JPH2: variants seen among roughly 807,000 people sequenced by gnomAD.
JPH2 encodes the protein junctophilin 2, also known as junctophilin-2.
JPH2 carries 38 observed loss-of-function variants against 55.9 expected under a neutral mutation model. That is an observed-to-expected ratio of 0.68 (90% CI 0.52 to 0.89). The LOEUF (loss-of-function observed/expected upper bound fraction) is 0.89. Ranked by LOEUF, JPH2 falls within the 40% of genes least tolerant of loss-of-function variation. The pLI, the probability that JPH2 is intolerant of heterozygous loss-of-function variation, is 0.00. For missense variants in JPH2, 964 were observed against 1,037.6 expected (o/e 0.93, Z 0.97); for synonymous variants, 480 against 472.4 (o/e 1.02, Z -0.21).
In JPH2 at chr20:44,186,831, G is replaced by C. The variant is rs1446419157; in HGVS notation, c.-126C>G. On this transcript the variant is annotated 5_prime_UTR_variant, in exon 1 of 6. Coordinates refer to ENST00000372980, the MANE Select transcript of JPH2 (RefSeq NM_020433.5). ...CAGACTCACCACTGCACCCCAGGAGGGGGGAAGCAGGATGCCAGCAGAGGC... is the reference window on the plus strand; with the variant it reads ...CAGACTCACCACTGCACCCCAGGAGCGGGGAAGCAGGATGCCAGCAGAGGC... 6 of 943,028 alleles carry C rather than the reference G, an allele frequency of 6.4e-6. No individual in the cohort carries two copies. The highest frequency in any genetic ancestry group is 9.6e-6 in the Non-Finnish European group (6 of 622,908). The allele number at this position is 943,028 out of a possible 1,614,324, so 58.4% of individuals were successfully genotyped here.
chr20:44,108,852 G>A lies in JPH2; in HGVS notation c.*4666C>T, dbSNP rs1037029947. Among the ~76,000 whole-genome samples, 7 of 152,030 alleles carry A rather than the reference G, an allele frequency of 4.6e-5. No homozygotes were observed. The South Asian group carries it at 8.3e-4, about 18-fold the overall frequency. On this transcript the variant is annotated 3_prime_UTR_variant, in exon 6 of 6. Transcript: ENST00000372980. Reference sequence around the variant, plus strand: ...TTGCTGTGTGATCCTTACAAATCACGACACTCTCTCCAGACCTGTTTCCCC... The same window carrying A: ...TTGCTGTGTGATCCTTACAAATCACAACACTCTCTCCAGACCTGTTTCCCC...
intron 1 of JPH2, among the ~76,000 whole-genome samples, chr20:44,173,642 G>T (rs1354482934): frequency 6.6e-6 from 1 of 152,212 alleles, no homozygotes; most frequent in Admixed American, 6.5e-5. Flanking sequence ...AAGGCTGGGT[G>T]CTGTGGCTTA....
At chr20:44,129,110 G>A (rs1231735705) in intron 2 of JPH2, among the ~76,000 whole-genome samples, 1 of 152,034 alleles carries the variant, frequency 6.6e-6, no homozygotes, top group Admixed American at 6.6e-5. Context: ...CTGAGGTTGG[G>A]GGCTGTGATA....
At chr20:44,148,960 G>A (rs541821262) in intron 2 of JPH2, among the ~76,000 whole-genome samples, 34 of 151,994 alleles carry the variant, frequency 2.2e-4, no homozygotes, top group Admixed American at 2.0e-4. Context: ...CCAGCTACTC[G>A]GGAGGCTGAG....
chr20:44,131,931 A>C (rs555615460), intron 2 of JPH2, among the ~76,000 whole-genome samples: 2 of 152,222 alleles, frequency 1.3e-5, no homozygotes, highest in Admixed American at 6.5e-5. Flanking sequence ...AGGAAAGCTT[A>C]CCCTAACTGC....
At chr20:44,133,751 C>T (rs1600840132) in intron 2 of JPH2, among the ~76,000 whole-genome samples, 1 of 149,244 alleles carries the variant, frequency 6.7e-6, no homozygotes, top group African/African-American at 2.5e-5. Context: ...TGGTCCTGTT[C>T]CATCTGATGC....
chr20:44,148,765 T>TA (rs908786462), intron 2 of JPH2, among the ~76,000 whole-genome samples: 1 of 151,606 alleles, frequency 6.6e-6, no homozygotes, highest in African/African-American at 2.4e-5. Flanking sequence ...TTCCTCCAAT[T>TA]AAAAAAATCA....
chr20:44,155,257 A>C (rs2072557510), intron 2 of JPH2, among the ~76,000 whole-genome samples: 1 of 152,188 alleles, frequency 6.6e-6, no homozygotes, highest in African/African-American at 2.4e-5. Context: ...AGAGTGGTGA[A>C]GCAACTTGGG....
chr20:44,137,619 G>C (rs530556209), intron 2 of JPH2, among the ~76,000 whole-genome samples: 2 of 152,352 alleles, frequency 1.3e-5, no homozygotes, highest in East Asian at 3.9e-4. Flanking sequence ...AGGCGGGGCC[G>C]AACCCAGCCT....
intron 1 of JPH2, among the ~76,000 whole-genome samples, chr20:44,183,187 A>G (rs375631240): frequency 6.6e-6 from 1 of 152,346 alleles, no homozygotes; most frequent in East Asian, 1.9e-4. Flanking sequence ...ATGCTGTATA[A>G]GCACTCAAGG....
intron 2 of JPH2, among the ~76,000 whole-genome samples, chr20:44,145,214 T>C (rs2072485076): frequency 1.3e-5 from 2 of 152,324 alleles, no homozygotes; most frequent in South Asian, 2.1e-4. Context: ...CTGGTCTCAC[T>C]GTGGGGAAAC....
intron 2 of JPH2, among the ~76,000 whole-genome samples, chr20:44,147,899 A>G (rs2072503665): frequency 6.6e-6 from 1 of 152,232 alleles, no homozygotes; most frequent in African/African-American, 2.4e-5. Flanking sequence ...ATGGTGGCTC[A>G]TGCCTGTAAT....
chr20:44,116,710 T>G (rs875496), intron 3 of JPH2, among the ~76,000 whole-genome samples: 1 of 151,972 alleles, frequency 6.6e-6, no homozygotes, highest in East Asian at 1.9e-4. Context: ...GCCCTTTACT[T>G]TGGCACGCGT....
chr20:44,115,947 G>A lies in JPH2; in HGVS notation c.1728C>T (p.Pro576=). ...GCTGGTCCTCAAAGGGTGGGGGCTC[G>A]GGCGGCGTGGTGCGCACAGCATAGC... ...YHSYAVRTTP[P]EPPPFEDQPE... The change falls in exon 4 of 6, where the codon CCC becomes CCT. Residue 576 remains proline (P), a synonymous_variant. Coordinates refer to ENST00000372980, the MANE Select transcript of JPH2 (RefSeq NM_020433.5). 2 of 1,567,564 alleles carry A rather than the reference G, an allele frequency of 1.3e-6. No individual in the cohort carries two copies. The highest frequency in any genetic ancestry group is 1.7e-6 in the Non-Finnish European group (2 of 1,163,532).
intron 2 of JPH2, among the ~76,000 whole-genome samples, chr20:44,151,900 C>G (rs2072533292): frequency 6.6e-6 from 1 of 152,218 alleles, no homozygotes; most frequent in Non-Finnish European, 1.5e-5. Flanking sequence ...GTTCCTCTAC[C>G]TGGAACGACC....
chr20:44,133,660 T>G (rs1322091635), intron 2 of JPH2, among the ~76,000 whole-genome samples: 1 of 151,420 alleles, frequency 6.6e-6, no homozygotes. Flanking sequence ...AGGATGGCCC[T>G]AGGGGAGATT....
chr20:44,131,112 G>A (rs990340476), intron 2 of JPH2, among the ~76,000 whole-genome samples: 1 of 152,122 alleles, frequency 6.6e-6, no homozygotes, highest in Non-Finnish European at 1.5e-5. Flanking sequence ...AGTGTGGGCT[G>A]GACCTAGAGA....
chr20:44,169,140 C>A (rs1049932581), intron 1 of JPH2, among the ~76,000 whole-genome samples: 5 of 151,204 alleles, frequency 3.3e-5, no homozygotes, highest in Admixed American at 1.3e-4. Context: ...ATCAAATAAA[C>A]CTTTTTTCTT....
chr20:44,146,226 G>A (rs551243135), intron 2 of JPH2, among the ~76,000 whole-genome samples: 1 of 151,958 alleles, frequency 6.6e-6, no homozygotes, highest in East Asian at 1.9e-4. Flanking sequence ...GTAGAGACAG[G>A]GTTTCACCGT....
Sources: gnomAD v4.1 joint callset for allele counts (sites outside exome capture counted in the v4.1 genomes callset) on GRCh38, gnomAD v4.1.1 for gene constraint, MANE v1.5 for transcripts, NCBI Gene and HGNC (gene_info 2026-07-23, HGNC 2026-07-21) for gene names.